Variants in GRM7 observed in about 807,000 individuals in gnomAD.
GRM7 encodes the protein metabotropic glutamate receptor 7.
A neutral mutation model predicts 84.5 loss-of-function variants in GRM7; 35 were observed. The ratio of observed to expected loss-of-function variants is 0.41; its 90% CI spans 0.32 to 0.55. The LOEUF is 0.55. Ranked by LOEUF, GRM7 falls within the 20% of genes least tolerant of loss-of-function variation. GRM7 has a pLI of 0.19. For missense variants in GRM7, 1,003 were observed against 1,194.6 expected (o/e 0.84, Z 2.36); for synonymous variants, 487 against 455.1 (o/e 1.07, Z -0.89).
intron 4 of GRM7, among the ~76,000 whole-genome samples, chr3:7,353,212 C>T (rs978812500): frequency 1.3e-5 from 2 of 151,934 alleles, no homozygotes; most frequent in Admixed American, 6.6e-5. Flanking sequence ...AGGTAAGGTA[C>T]CAAGAGTGAC....
intron 2 of GRM7, among the ~76,000 whole-genome samples, chr3:7,240,699 C>A (rs939641188): frequency 6.6e-6 from 1 of 152,024 alleles, no homozygotes; most frequent in Non-Finnish European, 1.5e-5. Context: ...CAATCCCTTC[C>A]CTCCCCCTCT....
intron 2 of GRM7, among the ~76,000 whole-genome samples, chr3:7,258,488 T>TA (rs1698290502): frequency 1.3e-5 from 2 of 152,178 alleles, no homozygotes; most frequent in South Asian, 4.1e-4. Flanking sequence ...ACATCTTTGT[T>TA]AAAGAGATAC....
chr3:6,888,580 C>T (rs1400518984), intron 1 of GRM7, among the ~76,000 whole-genome samples: 1 of 151,988 alleles, frequency 6.6e-6, no homozygotes, highest in Non-Finnish European at 1.5e-5. Context: ...TGTTCTGTTC[C>T]ATTGATCTAT....
At position 7,697,512 on chromosome 3, in the gene GRM7, A is replaced by T. The variant is rs937716225; in HGVS notation, c.2698+17217A>T. Among the ~76,000 whole-genome samples, 30 of 152,222 alleles carry T rather than the reference A, an allele frequency of 2.0e-4. 1 individual carries two copies. Among genetic ancestry groups the T allele is most frequent in the Admixed American group, 1.6e-3 (25 of 15,270 alleles). ...AGCTGTAATATTTTTGAACTAAAAAATTTAATTTTAAGCCAAGGAGAGAAC... is the reference window on the plus strand; with the variant it reads ...AGCTGTAATATTTTTGAACTAAAAATTTTAATTTTAAGCCAAGGAGAGAAC... On this transcript the variant is annotated intron_variant, in intron 9 of 9. Coordinates refer to ENST00000357716, the MANE Select transcript of GRM7 (RefSeq NM_000844.4).
chr3:7,471,321 C>A (rs1013572586), intron 7 of GRM7, among the ~76,000 whole-genome samples: 9 of 152,114 alleles, frequency 5.9e-5, no homozygotes, highest in African/African-American at 1.9e-4. Flanking sequence ...ATCAAGGCGG[C>A]ACCAGGGCTA....
At chr3:6,951,276 T>G (rs896566690) in intron 1 of GRM7, among the ~76,000 whole-genome samples, 3 of 152,236 alleles carry the variant, frequency 2.0e-5, no homozygotes, top group Non-Finnish European at 2.9e-5. Context: ...TTAAAATTTT[T>G]ATACTATCAT....
At chr3:7,583,498 G>T (rs1000470439) in intron 8 of GRM7, among the ~76,000 whole-genome samples, 1 of 152,180 alleles carries the variant, frequency 6.6e-6, no homozygotes. Context: ...TTAAAGCAAG[G>T]ACTATTAACA....
At chr3:6,884,637 T>C (rs1228764779) in intron 1 of GRM7, among the ~76,000 whole-genome samples, 4 of 152,062 alleles carry the variant, frequency 2.6e-5, no homozygotes, top group African/African-American at 4.8e-5. Flanking sequence ...TCTTGCTCTG[T>C]CACCCAGGCT....
chr3:7,681,762 C>T (rs1337726949), intron 9 of GRM7: 2 of 152,204 alleles, frequency 1.3e-5, no homozygotes, highest in African/African-American at 2.4e-5. Context: ...ATGTAAACCA[C>T]TCCATTTACC....
intron 1 of GRM7, among the ~76,000 whole-genome samples, chr3:6,919,364 A>AT (rs1697044716): frequency 8.8e-6 from 1 of 113,300 alleles, no homozygotes; most frequent in African/African-American, 4.4e-5. Context: ...ATGCCTGGCT[A>AT]ATTTTTTTTT....
In GRM7 at chr3:7,128,593, C is replaced by A. The variant is rs961089947; in HGVS notation, c.520-17859C>A. On this transcript the variant is annotated intron_variant, in intron 1 of 9. Coordinates refer to ENST00000357716, the MANE Select transcript of GRM7 (RefSeq NM_000844.4). ...CGCGATCTGTGTTCACTGCAACCTC[C>A]GCCTCCCAGGTTCAGCGATTCTCTT... 1.5e-5 allele frequency among the ~76,000 whole-genome samples: 2 copies of A among 130,748 alleles called. 1 individual carries two copies. The highest frequency in any genetic ancestry group is 5.9e-5 in the African/African-American group (2 of 33,872). The allele number at this position is 130,748 out of a possible 152,430, so 85.8% of individuals were successfully genotyped here.
intron 1 of GRM7, among the ~76,000 whole-genome samples, chr3:7,071,731 G>C (rs1426862845): frequency 6.6e-6 from 1 of 151,822 alleles, no homozygotes; most frequent in Non-Finnish European, 1.5e-5. Flanking sequence ...TTACTTTCTT[G>C]ACAATCACTG....
intron 2 of GRM7, among the ~76,000 whole-genome samples, chr3:7,255,121 A>T (rs1331671645): frequency 6.6e-6 from 1 of 152,160 alleles, no homozygotes; most frequent in Non-Finnish European, 1.5e-5. Context: ...ATGTTCACTG[A>T]AATTAGTCAA....
At chr3:7,066,375 A>G (rs1697663051) in intron 1 of GRM7, among the ~76,000 whole-genome samples, 1 of 151,966 alleles carries the variant, frequency 6.6e-6, no homozygotes, top group African/African-American at 2.4e-5. Flanking sequence ...ACAAAAGCTC[A>G]TTCAAGGCTA....
At chr3:7,070,457 A>G (rs1466473449) in intron 1 of GRM7, among the ~76,000 whole-genome samples, 3 of 152,144 alleles carry the variant, frequency 2.0e-5, no homozygotes, top group Non-Finnish European at 4.4e-5. Context: ...CATTCCTAAT[A>G]AACTTATTTT....
At chr3:7,669,108 T>C (rs2125130695) in intron 8 of GRM7, among the ~76,000 whole-genome samples, 1 of 152,384 alleles carries the variant, frequency 6.6e-6, no homozygotes, top group South Asian at 2.1e-4. Flanking sequence ...TGTCATATCT[T>C]TTGCTGTACA....
At chr3:7,085,490 C>T (rs115868564) in intron 1 of GRM7, among the ~76,000 whole-genome samples, 2,464 of 152,150 alleles carry the variant, frequency 0.016, 68 homozygotes, top group African/African-American at 0.056. Flanking sequence ...TTGTATAGCT[C>T]TGTCTTGAAT....
chr3:7,712,137 C>A (rs1701600750), intron 9 of GRM7, among the ~76,000 whole-genome samples: 1 of 152,134 alleles, frequency 6.6e-6, no homozygotes, highest in Non-Finnish European at 1.5e-5. Flanking sequence ...AGGGAAGTGC[C>A]AGACAGAAGG....
chr3:7,666,327 A>G (rs188105879), intron 8 of GRM7, among the ~76,000 whole-genome samples: 105 of 152,350 alleles, frequency 6.9e-4, no homozygotes, highest in African/African-American at 2.4e-3. Flanking sequence ...GGATTCCCCA[A>G]GAATGCCAGG....
Sources: allele counts gnomAD v4.1 joint callset (sites outside exome capture counted in the v4.1 genomes callset), GRCh38; gene constraint gnomAD v4.1.1; transcripts MANE v1.5; gene names NCBI Gene and HGNC (gene_info 2026-07-23, HGNC 2026-07-21).